Variants in CHD6 observed in about 807,000 individuals in gnomAD.
CHD6 encodes chromodomain helicase DNA binding protein 6, also known as ATP-dependent chromatin remodeler CHD6.
CHD6 carries 50 observed loss-of-function variants against 276.9 expected under a neutral mutation model. The observed-to-expected ratio is 0.18, with a 90% CI of 0.14 to 0.23. The LOEUF is 0.23. Among genes scored for constraint, CHD6 ranks in the 10% least tolerant of loss-of-function variants. The pLI, the probability that CHD6 is intolerant of heterozygous loss-of-function variation, is 1.00. For missense variants in CHD6, 2,564 were observed against 3,365.8 expected, an observed-to-expected ratio of 0.76 and a Z score of 5.89; for synonymous variants, 1,173 against 1,229.3, an observed-to-expected ratio of 0.95 and a Z score of 0.96.
intron 1 of CHD6, among the ~76,000 whole-genome samples, chr20:41,609,476 C>A (rs988272312): frequency 6.6e-6 from 1 of 152,190 alleles, no homozygotes; most frequent in Non-Finnish European, 1.5e-5. Context: ...ACCCTTACAA[C>A]AGAATTAATG....
At chr20:41,572,344 C>A (rs1441026940) in intron 1 of CHD6, among the ~76,000 whole-genome samples, 1 of 152,176 alleles carries the variant, frequency 6.6e-6, no homozygotes, top group East Asian at 1.9e-4. Context: ...CTACCACATG[C>A]ACAAAGCACA....
At chr20:41,529,695 T>G (rs774315153) in intron 3 of CHD6, among the ~76,000 whole-genome samples, 1 of 151,942 alleles carries the variant, frequency 6.6e-6, no homozygotes, top group Non-Finnish European at 1.5e-5. Flanking sequence ...CTAATGAGAT[T>G]AATCGAGTTG....
At position 41,421,880 on chromosome 20, in the gene CHD6, G is replaced by A. The variant is rs192424135; in HGVS notation, c.4755C>T (p.Leu1585=). 2.5e-6 allele frequency: 4 copies of A among 1,614,178 alleles called. No homozygotes were observed. The highest frequency in any genetic ancestry group is 1.3e-5 in the African/African-American group (1 of 75,048). ...WECGKHDRDL[L]IGTAKHGLNR... ...TCAGCCCATGTTTGGCAGTGCCGAT[G>A]AGCAGGTCTCGATCATGCTTCCCAC... Residue 1585 remains leucine (L), a synonymous_variant, in exon 31 of 37, where the codon CTC becomes CTT. Coordinates refer to ENST00000373233, the MANE Select transcript of CHD6 (RefSeq NM_032221.5).
chr20:41,607,942 C>G (rs879292188), intron 1 of CHD6, among the ~76,000 whole-genome samples: 9 of 152,104 alleles, frequency 5.9e-5, no homozygotes, highest in Admixed American at 5.9e-4. Context: ...ACAGCCATGC[C>G]CAATTTCAAG....
intron 17 of CHD6, among the ~76,000 whole-genome samples, chr20:41,460,627 G>A (rs1282164289): frequency 2.0e-5 from 3 of 152,256 alleles, no homozygotes; most frequent in African/African-American, 7.2e-5. Context: ...GCCTGAGGGT[G>A]CACAGAAGTC....
chr20:41,447,830 G>A, intron 24 of CHD6, 52 bp downstream of exon 24: 2 of 1,329,440 alleles, frequency 1.5e-6, no homozygotes, highest in Non-Finnish European at 1.1e-6. Context: ...CCATGAATAG[G>A]CATTTTATGT....
chr20:41,470,152 T>G (rs2043020821), intron 17 of CHD6, among the ~76,000 whole-genome samples: 1 of 152,136 alleles, frequency 6.6e-6, no homozygotes, highest in Non-Finnish European at 1.5e-5. Flanking sequence ...GAAAGCCCTC[T>G]TGCTCTCTTC....
intron 1 of CHD6, among the ~76,000 whole-genome samples, chr20:41,602,067 C>T (rs906267399): frequency 6.6e-6 from 1 of 152,220 alleles, no homozygotes; most frequent in Non-Finnish European, 1.5e-5. Flanking sequence ...CTTCCACTTT[C>T]CTAATGAAAA....
chr20:41,471,385 C>T (rs887039047), intron 17 of CHD6, among the ~76,000 whole-genome samples: 1 of 152,058 alleles, frequency 6.6e-6, no homozygotes, highest in Non-Finnish European at 1.5e-5. Flanking sequence ...ATGGGTTATT[C>T]ATTACATCCA....
intron 1 of CHD6, among the ~76,000 whole-genome samples, chr20:41,578,429 T>C (rs2146224926): frequency 6.6e-6 from 1 of 152,306 alleles, no homozygotes; most frequent in Non-Finnish European, 1.5e-5. Flanking sequence ...AAAATTTCCG[T>C]GTTACTTATT....
At position 41,473,611 on chromosome 20, in the gene CHD6, A is replaced by C; in HGVS notation, c.2469-94T>G. ...CAGGAAGCTGTCGACTGATGGCCTT[A>C]AATCCCTCACTTCTAAATTTGGACC... On this transcript the variant is annotated intron_variant, in intron 16 of 36. Transcript: ENST00000373233. This position sits in a 1 kb window ranked among gnomAD's most constrained non-coding sequence, Gnocchi z 4.1. 1.0e-6 allele frequency: 1 copy of C among 999,204 alleles called. No individual in the cohort carries two copies. Among genetic ancestry groups the C allele is most frequent in the Non-Finnish European group, 1.5e-6 (1 of 659,472 alleles). The allele number at this position is 999,204 out of a possible 1,614,324, so 61.9% of individuals were successfully genotyped here. A position where few individuals can be genotyped will look rare whatever the true frequency, so the allele number is the denominator to read the frequency against.
intron 2 of CHD6, among the ~76,000 whole-genome samples, chr20:41,540,902 T>C (rs1430767499): frequency 1.3e-5 from 2 of 152,186 alleles, no homozygotes; most frequent in African/African-American, 4.8e-5. Flanking sequence ...AATCAGTTTG[T>C]GGACAACATT....
chr20:41,465,766 A>C (rs1485387703), intron 17 of CHD6, among the ~76,000 whole-genome samples: 2 of 152,232 alleles, frequency 1.3e-5, no homozygotes, highest in African/African-American at 2.4e-5. Context: ...CTTTTAAAAA[A>C]GGTTAAAAAA....
intron 14 of CHD6, chr20:41,485,951 AT>A (rs2043403702): frequency 6.6e-6 from 1 of 152,196 alleles, no homozygotes; most frequent in Admixed American, 6.5e-5. Context: ...GATTAAAAAA[AT>A]AAAGCCAAAA....
At chr20:41,597,357 C>G (rs1367720592) in intron 1 of CHD6, among the ~76,000 whole-genome samples, 1 of 152,150 alleles carries the variant, frequency 6.6e-6, no homozygotes, top group Non-Finnish European at 1.5e-5. Context: ...CTACGGACCT[C>G]CCGACATTTG....
At chr20:41,411,350 T>A (rs1281591752) in intron 36 of CHD6, among the ~76,000 whole-genome samples, 1 of 151,514 alleles carries the variant, frequency 6.6e-6, no homozygotes, top group Non-Finnish European at 1.5e-5. Flanking sequence ...AGGGAATTCC[T>A]ACTCCAGGAA....
At chr20:41,469,192 G>T (rs953651372) in intron 17 of CHD6, among the ~76,000 whole-genome samples, 1 of 152,152 alleles carries the variant, frequency 6.6e-6, no homozygotes, top group Non-Finnish European at 1.5e-5. Flanking sequence ...ACATGCAGCA[G>T]CTGCATTATC....
In CHD6 at chr20:41,421,984, G is replaced by C. The variant is rs1025752555; in HGVS notation, c.4651C>G (p.Gln1551Glu). The C allele has an allele frequency of 3.7e-6, 6 of 1,614,210 alleles. No homozygotes were observed. The highest frequency in any genetic ancestry group is 2.2e-5 in the East Asian group (1 of 44,886). ...RIELLRKVREQVLKCPQLHER... is the reference protein window; with the variant it reads ...RIELLRKVREEVLKCPQLHER... The stretch of plus-strand genomic sequence containing the variant: ...TGCAGCTGAGGGCACTTGAGCACTT[G>C]CTCTCGGACTTTCCGTAACAGTTCA... Residue 1551 changes from glutamine (Q) to glutamate (E), a missense_variant, in exon 31 of 37, where the codon CAA (glutamine) becomes GAA (glutamate). Physicochemically the swap from Gln to Glu is conservative, Grantham distance 29. Transcript: ENST00000373233.
intron 36 of CHD6, among the ~76,000 whole-genome samples, chr20:41,406,775 ACTG>A (rs1226005210): frequency 6.6e-6 from 1 of 152,074 alleles, no homozygotes; most frequent in African/African-American, 2.4e-5. Flanking sequence ...TCCACACCTC[ACTG>A]CTATCAGCTA....
Sources: gnomAD v4.1 joint callset for allele counts (sites outside exome capture counted in the v4.1 genomes callset) on GRCh38, gnomAD v4.1.1 for gene constraint, Gnocchi (gnomAD v3.1) non-coding constraint, MANE v1.5 for transcripts, NCBI Gene and HGNC (gene_info 2026-07-23, HGNC 2026-07-21) for gene names.